The following ANO4 variants were observed in gnomAD, a reference collection of about 807,000 sequenced individuals.
The protein encoded by ANO4 is anoctamin-4.
Under a neutral mutation model 141.9 loss-of-function variants are expected in ANO4, and 69 were observed. The ratio of observed to expected loss-of-function variants is 0.49; its 90% confidence interval spans 0.40 to 0.59. The LOEUF (loss-of-function observed/expected upper bound fraction) is 0.59. Ranked by LOEUF, ANO4 falls within the 20% of genes least tolerant of loss-of-function variation. The pLI is 0.00. For missense variants in ANO4, 894 were observed against 1,162.2 expected (o/e 0.77, Z 3.36); for synonymous variants, 350 against 394.3 (o/e 0.89, Z 1.33).
At chr12:101,028,492 T>C (rs905763411) in intron 9 of ANO4, among the ~76,000 whole-genome samples, 1 of 152,110 alleles carries the variant, frequency 6.6e-6, no homozygotes, top group African/African-American at 2.4e-5. Context: ...AATGACCCGA[T>C]GGAGCTGAAA....
At chr12:101,056,726 A>G (rs1434656777) in intron 14 of ANO4, among the ~76,000 whole-genome samples, 2 of 151,854 alleles carry the variant, frequency 1.3e-5, no homozygotes, top group African/African-American at 4.8e-5. Flanking sequence ...AGGTTTTCAT[A>G]TATGTCTGTT....
chr12:100,837,772 G>A (rs1266913643), intron 1 of ANO4, among the ~76,000 whole-genome samples: 1 of 150,128 alleles, frequency 6.7e-6, no homozygotes, highest in Non-Finnish European at 1.5e-5. Context: ...GGCAATAAAG[G>A]TTTGAGTGGT....
intron 5 of ANO4, among the ~76,000 whole-genome samples, chr12:100,950,108 C>T (rs986785269): frequency 1.3e-5 from 2 of 152,114 alleles, no homozygotes; most frequent in African/African-American, 2.4e-5. Context: ...GATACAAGAA[C>T]GACAACATCC....
intron 1 of ANO4, among the ~76,000 whole-genome samples, chr12:100,850,676 A>T (rs978815882): frequency 6.6e-6 from 1 of 152,126 alleles, no homozygotes; most frequent in Non-Finnish European, 1.5e-5. Context: ...TGGGATTTTT[A>T]AAATTGTTGA....
At chr12:100,871,512 G>A (rs1203768061) in intron 1 of ANO4, among the ~76,000 whole-genome samples, 1 of 152,164 alleles carries the variant, frequency 6.6e-6, no homozygotes, top group Non-Finnish European at 1.5e-5. Context: ...AGCACCTGGT[G>A]GTTTGTAACC....
intron 2 of ANO4, among the ~76,000 whole-genome samples, chr12:100,910,495 A>G (rs529927560): frequency 6.6e-6 from 1 of 152,238 alleles, no homozygotes; most frequent in South Asian, 2.1e-4. Flanking sequence ...TATCCTTTAG[A>G]CACTCATAAT....
chr12:100,851,066 G>C (rs1191860416), intron 1 of ANO4, among the ~76,000 whole-genome samples: 1 of 151,952 alleles, frequency 6.6e-6, no homozygotes, highest in African/African-American at 2.4e-5. Context: ...TGACTATCTT[G>C]CTATGCATAT....
chr12:101,121,550 A>G (rs2137060461), intron 26 of ANO4, among the ~76,000 whole-genome samples: 1 of 152,220 alleles, frequency 6.6e-6, no homozygotes, highest in South Asian at 2.1e-4. Context: ...ACATATGAGT[A>G]CATGTGTCTT....
chr12:100,723,277 G>T (rs1457100889), intron 1 of ANO4, among the ~76,000 whole-genome samples: 2 of 152,166 alleles, frequency 1.3e-5, no homozygotes, highest in African/African-American at 4.8e-5. Flanking sequence ...GCCAAAGTCT[G>T]GGTGGCTTAA....
intron 4 of ANO4, among the ~76,000 whole-genome samples, chr12:100,942,172 G>A (rs1225073563): frequency 6.6e-6 from 1 of 152,062 alleles, no homozygotes; most frequent in Non-Finnish European, 1.5e-5. Context: ...ATAGAGACAA[G>A]GTTTCACCAT....
chr12:100,783,157 G>A (rs1265972742), intron 3 of ANO4, among the ~76,000 whole-genome samples: 4 of 152,134 alleles, frequency 2.6e-5, no homozygotes, highest in South Asian at 2.1e-4. Context: ...ACAATGAGGA[G>A]TATGACAAAG....
Position 101,032,470 on chromosome 12 carries a change from A to G in ANO4, c.842-4625A>G, listed in dbSNP as rs188288826. Among the ~76,000 whole-genome samples the G allele has an allele frequency of 1.4e-4, 21 of 152,324 alleles. No individual in the cohort carries two copies. In the East Asian group the frequency reaches 3.5e-3, roughly 25 times the overall value. On this transcript the variant is annotated intron_variant, in intron 9 of 27. Coordinates refer to ENST00000392977, the MANE Select transcript of ANO4 (RefSeq NM_001286615.2). ...ACAAAAGCCACAATTAAAAAATGGG[A>G]TCTAATTAAACTAAAGAGCTTCTGC...
At chr12:100,765,791 T>C (rs1593293446) in intron 3 of ANO4, among the ~76,000 whole-genome samples, 2 of 151,746 alleles carry the variant, frequency 1.3e-5, no homozygotes, top group Admixed American at 1.3e-4. Flanking sequence ...GGGTACAATG[T>C]GATGTTTTGA....
chr12:100,989,579 ATGGATGGATGGATACATGGATAGGTCAC>A (rs1461752619), intron 8 of ANO4, among the ~76,000 whole-genome samples: 6 of 149,438 alleles, frequency 4.0e-5, no homozygotes, highest in Non-Finnish European at 6.0e-5. Flanking sequence ...GGATGGATGG[ATGGATGGATGGATACATGGATAGGTCAC>A]TGGATGGATG....
intron 14 of ANO4, among the ~76,000 whole-genome samples, chr12:101,063,745 C>CTTTTTTTTTTTTATTT (rs2048448338): frequency 4.0e-5 from 1 of 24,772 alleles, no homozygotes; most frequent in Non-Finnish European, 6.7e-5. Context: ...TCCAGGTTAT[C>CTTTTTTTTTTTTATTT]TTTTTTTTTT....
chr12:100,764,998 C>T (rs1201740079), intron 3 of ANO4, among the ~76,000 whole-genome samples: 1 of 152,094 alleles, frequency 6.6e-6, no homozygotes, highest in Non-Finnish European at 1.5e-5. Context: ...GGAATTGTTT[C>T]TTCTTCAATT....
chr12:100,742,859 C>T lies in ANO4; in HGVS notation c.358+2754C>T, dbSNP rs1263925267. ...GTGACTAACTTCTATAGTAGATTCT[C>T]TTGTATTAGACTTTACTTAACCCTG... On this transcript the variant is annotated intron_variant, in intron 3 of 29. Transcript: ENST00000644049. Among the ~76,000 whole-genome samples the T allele has an allele frequency of 3.9e-5, 6 of 152,142 alleles. No individual in the cohort carries two copies. The East Asian group carries it at 7.7e-4, about 20-fold the overall frequency.
intron 1 of ANO4, among the ~76,000 whole-genome samples, chr12:100,894,858 T>G (rs934064180): frequency 6.7e-6 from 1 of 148,696 alleles, no homozygotes; most frequent in East Asian, 2.0e-4. Context: ...CCCAGCTACT[T>G]GGGAGGCTGA....
chr12:100,886,506 C>T (rs901534300), intron 1 of ANO4, among the ~76,000 whole-genome samples: 1 of 152,114 alleles, frequency 6.6e-6, no homozygotes, highest in African/African-American at 2.4e-5. Flanking sequence ...GGGGCGTGCT[C>T]TTCTCCTCCA....
Sources: allele counts gnomAD v4.1 joint callset (sites outside exome capture counted in the v4.1 genomes callset), GRCh38; gene constraint gnomAD v4.1.1; transcripts MANE v1.5; gene names NCBI Gene and HGNC (gene_info 2026-07-23, HGNC 2026-07-21).